The following DYTN variants were observed in gnomAD, a reference collection of about 807,000 sequenced individuals.
DYTN encodes the protein dystrotelin.
A neutral mutation model predicts 69.6 loss-of-function variants in DYTN; 75 were observed. That is an observed-to-expected ratio of 1.08 (90% CI 0.89 to 1.31). The LOEUF (loss-of-function observed/expected upper bound fraction) is 1.31. DYTN is among the 50% of genes most tolerant of loss of function. The probability of loss-of-function intolerance (pLI) is 0.00; values close to 1 mark genes in which losing one functional copy is unlikely to be tolerated. For synonymous variants in DYTN, 252 were observed against 249.1 expected (o/e 1.01, Z -0.11); for missense variants, 726 against 688.4 (o/e 1.05, Z -0.61).
At chr2:206,651,945 C>G in intron 11 of DYTN, 24 bp from the exon 12 acceptor site, 1 of 1,595,404 alleles carries the variant, frequency 6.3e-7, no homozygotes. Context: ...ACAAGAGAGT[C>G]ATTTAGAGAA....
At chr2:206,688,826 T>C (rs960083052) in intron 9 of DYTN, among the ~76,000 whole-genome samples, 1 of 152,190 alleles carries the variant, frequency 6.6e-6, no homozygotes, top group African/African-American at 2.4e-5. Flanking sequence ...TTGTATCTTT[T>C]TTGTTAAACT....
intron 1 of DYTN, 75 bp from the exon 2 acceptor site, chr2:206,710,673 T>C (rs1373261110): frequency 1.7e-6 from 2 of 1,196,530 alleles, no homozygotes; most frequent in East Asian, 5.2e-5. Context: ...AAGGAAATCC[T>C]AGAGATCATG....
intron 10 of DYTN, among the ~76,000 whole-genome samples, chr2:206,664,517 T>C (rs1699547105): frequency 6.6e-6 from 1 of 151,854 alleles, no homozygotes; most frequent in African/African-American, 2.4e-5. Flanking sequence ...AAAAATTAGC[T>C]GGGTGTGCTG....
chr2:206,695,521 G>T (rs1313303022), intron 7 of DYTN, among the ~76,000 whole-genome samples: 1 of 152,178 alleles, frequency 6.6e-6, no homozygotes, highest in Non-Finnish European at 1.5e-5. Flanking sequence ...TTTGAGAAAT[G>T]ACAGCCTTAA....
At chr2:206,678,353 C>T (rs1244759479) in intron 9 of DYTN, among the ~76,000 whole-genome samples, 4 of 152,138 alleles carry the variant, frequency 2.6e-5, no homozygotes, top group Admixed American at 2.6e-4. Context: ...CACTAGAAGC[C>T]TAACTTGGTA....
intron 9 of DYTN, among the ~76,000 whole-genome samples, chr2:206,690,265 C>A (rs1699851057): frequency 1.3e-5 from 2 of 152,038 alleles, no homozygotes; most frequent in African/African-American, 4.8e-5. Flanking sequence ...TGGCAGCATG[C>A]CTGGTGTATT....
At chr2:206,686,731 T>A (rs1445097048) in intron 9 of DYTN, 1 of 152,310 alleles carries the variant, frequency 6.6e-6, no homozygotes, top group Non-Finnish European at 1.5e-5. Context: ...TTGGCATAGC[T>A]TTTTGCACAC....
At chr2:206,693,388 C>T (rs1399468001) in intron 8 of DYTN, 65 bp from the exon 9 acceptor site, 2 of 1,535,568 alleles carry the variant, frequency 1.3e-6, no homozygotes, top group East Asian at 2.3e-5. Context: ...TCCTTCCTTA[C>T]TTGGATGGAC....
At chr2:206,702,777 C>A (rs184737742) in intron 5 of DYTN, among the ~76,000 whole-genome samples, 1 of 152,102 alleles carries the variant, frequency 6.6e-6, no homozygotes, top group Admixed American at 6.5e-5. Flanking sequence ...AAAGAAAATT[C>A]ACTTCTGTAG....
At chr2:206,664,316 C>T (rs992006786) in intron 10 of DYTN, among the ~76,000 whole-genome samples, 2 of 152,002 alleles carry the variant, frequency 1.3e-5, no homozygotes, top group Non-Finnish European at 2.9e-5. Flanking sequence ...ATGAACAAAG[C>T]GAGAATGTCA....
At position 206,705,838 on chromosome 2, in the gene DYTN, G is replaced by A; in HGVS notation, c.332C>T (p.Ala111Val). 6.2e-7 allele frequency: 1 copy of A among 1,613,874 alleles called. No homozygotes were observed. Among genetic ancestry groups the A allele is most frequent in the East Asian group, 2.2e-5 (1 of 44,870 alleles). ...GTGFLQLMPA[A>V]AALITLSGDS... The stretch of plus-strand genomic sequence containing the variant: ...TCCTGAGAGGGTTATTAGGGCAGCG[G>A]CCGCAGGCATAAGCTGGAGAAAACC... Residue 111 changes from alanine (A) to valine (V), a missense_variant, in exon 4 of 12, where the codon GCC becomes GTC. Transcript: ENST00000452335.
At chr2:206,717,975 G>A (rs1025720492) in intron 1 of DYTN, among the ~76,000 whole-genome samples, 1 of 152,278 alleles carries the variant, frequency 6.6e-6, no homozygotes, top group South Asian at 2.1e-4. Context: ...TAAGGTAATA[G>A]TTTCTGTGTA....
chr2:206,705,161 A>G (rs1700013129), intron 4 of DYTN: 3 of 523,464 alleles, frequency 5.7e-6, no homozygotes, highest in Admixed American at 3.3e-5. Flanking sequence ...CAATGGCACA[A>G]TCTTGGCTCA....
Position 206,704,888 on chromosome 2 carries a change from G to A in DYTN, c.438C>T (p.Arg146=), listed in dbSNP as rs146519194. Residue 146 remains arginine, a synonymous_variant, in exon 5 of 12, where the codon CGC becomes CGT. Transcript: ENST00000452335. ...GTTTTCTCAAAACCCTTCGAGTCATGCGTGGCCCAGAATCATAGCCTCCCC... is the reference window on the plus strand; with the variant it reads ...GTTTTCTCAAAACCCTTCGAGTCATACGTGGCCCAGAATCATAGCCTCCCC... ...NSRGGYDSGP[R]MTRRVLRKLL... is the part of the protein sequence containing the mutation. 10 of 1,613,846 alleles carry A rather than the reference G, an allele frequency of 6.2e-6. No individual in the cohort carries two copies. The East Asian group carries it at 2.2e-4, about 36-fold the overall frequency.
At chr2:206,685,143 C>CCTAT (rs145803501) in intron 9 of DYTN, among the ~76,000 whole-genome samples, 1 of 145,708 alleles carries the variant, frequency 6.9e-6, no homozygotes, top group Non-Finnish European at 1.5e-5. Context: ...AGTAGCATGG[C>CCTAT]TTATTTATTT....
intron 11 of DYTN, among the ~76,000 whole-genome samples, chr2:206,659,162 CTCTTTTTTT>C (rs1388840136): frequency 3.2e-5 from 4 of 123,524 alleles, no homozygotes; most frequent in Non-Finnish European, 4.9e-5. Context: ...TTCTCACAGT[CTCTTTTTTT>C]TTTTTTTTTT....
intron 9 of DYTN, among the ~76,000 whole-genome samples, chr2:206,692,229 C>T (rs1699871164): frequency 6.6e-6 from 1 of 150,584 alleles, no homozygotes. Context: ...TGTGCCACTG[C>T]ACTCCAACCT....
rs1387463718 is a variant in DYTN at position 206,662,883 on chromosome 2, A to G, written c.1633+20T>C. On this transcript the variant is annotated intron_variant, in intron 11 of 11. Coordinates refer to ENST00000452335, the MANE Select transcript of DYTN (RefSeq NM_001093730.1). ...TGAATCCTTGGCCATCACGATGTCT[A>G]TGGATTGTGAAAACCTTACCTGATG... 1.2e-6 allele frequency: 2 copies of G among 1,601,458 alleles called. No homozygotes were observed. Among genetic ancestry groups the G allele is most frequent in the Admixed American group, 1.7e-5 (1 of 58,514 alleles).
At chr2:206,700,310 T>A in intron 5 of DYTN, 94 bp from the exon 6 acceptor site, 1 of 1,332,252 alleles carries the variant, frequency 7.5e-7, no homozygotes, top group Non-Finnish European at 1.1e-6. Context: ...CACGGCTGTG[T>A]AGTCACAAGT....
Sources: allele counts gnomAD v4.1 joint callset (sites outside exome capture counted in the v4.1 genomes callset), GRCh38; gene constraint gnomAD v4.1.1; transcripts MANE v1.5; gene names NCBI Gene and HGNC (gene_info 2026-07-23, HGNC 2026-07-21).